Variants in UIMC1 observed in about 807,000 individuals in gnomAD.
UIMC1 encodes ubiquitin interaction motif containing 1.
Under a neutral mutation model 84.9 loss-of-function variants are expected in UIMC1, and 42 were observed. The observed-to-expected ratio is 0.49, with a 90% CI of 0.39 to 0.64. The LOEUF (loss-of-function observed/expected upper bound fraction) is 0.64, where lower values mean the gene tolerates loss of function less well. Among genes scored for constraint, UIMC1 ranks in the 30% least tolerant of loss-of-function variants. The pLI, the probability that UIMC1 is intolerant of heterozygous loss-of-function variation, is 0.00. For synonymous variants in UIMC1, 281 were observed against 293.0 expected, an observed-to-expected ratio of 0.96 and a Z score of 0.42; for missense variants, 825 against 847.6, an observed-to-expected ratio of 0.97 and a Z score of 0.33.
chr5:176,913,137 A>G (rs1230903323), intron 10 of UIMC1, among the ~76,000 whole-genome samples: 2 of 152,214 alleles, frequency 1.3e-5, no homozygotes. Context: ...AACATCTTGG[A>G]TTTACTCAGT....
At chr5:176,990,570 G>GC (rs1472226614) in intron 1 of UIMC1, among the ~76,000 whole-genome samples, 2 of 152,056 alleles carry the variant, frequency 1.3e-5, no homozygotes, top group African/African-American at 4.8e-5. Flanking sequence ...ATATTAATTC[G>GC]CAAGAAGTGA....
intron 1 of UIMC1, among the ~76,000 whole-genome samples, chr5:176,989,965 G>A (rs1772570773): frequency 6.6e-6 from 1 of 152,046 alleles, no homozygotes; most frequent in African/African-American, 2.4e-5. Flanking sequence ...CAGATCATGA[G>A]GTCAGGAGAT....
At chr5:177,017,669 C>A (rs1413168439) in intron 1 of UIMC1, among the ~76,000 whole-genome samples, 1 of 146,760 alleles carries the variant, frequency 6.8e-6, no homozygotes, top group Non-Finnish European at 1.5e-5. Flanking sequence ...ACCACGCTGG[C>A]CCTTTTTTTT....
chr5:177,016,655 C>A (rs879896272), intron 1 of UIMC1, among the ~76,000 whole-genome samples: 1 of 151,312 alleles, frequency 6.6e-6, no homozygotes, highest in Non-Finnish European at 1.5e-5. Context: ...TGCAGTGAGC[C>A]GAGATCTTAC....
intron 4 of UIMC1, 184 bp downstream of exon 4, chr5:176,970,558 C>T (rs151181084): frequency 0.012 from 10,717 of 899,150 alleles, 94 homozygotes; most frequent in South Asian, 0.025. Context: ...ATAGAATTAA[C>T]AAAATACTTT....
rs187849820 is a variant in UIMC1, at chr5:176,925,454, C to A, written c.1598-14065G>T. ...GTTTGGCAGTTTCTTTATAACCTAG[C>A]AATTCCATTCCTAGCTATTTATTCA... On this transcript the variant is annotated intron_variant, in intron 10 of 14. Transcript: ENST00000511320. 4.7e-4 allele frequency among the ~76,000 whole-genome samples: 71 copies of A among 152,224 alleles called. No homozygotes were observed. The East Asian group carries it at 0.012, about 25-fold the overall frequency.
At chr5:176,950,816 G>A (rs553719549) in intron 9 of UIMC1, among the ~76,000 whole-genome samples, 38 of 152,100 alleles carry the variant, frequency 2.5e-4, no homozygotes, top group Non-Finnish European at 5.1e-4. Context: ...GTTGCAGTGA[G>A]CCGAGATCGT....
At chr5:176,928,483 A>G (rs1247229501) in intron 10 of UIMC1, among the ~76,000 whole-genome samples, 2 of 152,240 alleles carry the variant, frequency 1.3e-5, no homozygotes, top group Non-Finnish European at 2.9e-5. Flanking sequence ...AATCTTTAAA[A>G]AGAACTTCTT....
intron 3 of UIMC1, among the ~76,000 whole-genome samples, chr5:176,972,501 C>G (rs1769398176): frequency 6.6e-6 from 1 of 152,002 alleles, no homozygotes; most frequent in African/African-American, 2.4e-5. Context: ...TTTGGGAGGC[C>G]AAGCCAGGCA....
Position 176,958,901 on chromosome 5 carries a change from C to G in UIMC1, c.1201-747G>C, listed in dbSNP as rs186895583. Among the ~76,000 whole-genome samples the G allele has an allele frequency of 1.4e-3, 218 of 152,346 alleles. 1 individual carries two copies. The highest frequency in any genetic ancestry group is 3.4e-3 in the Middle Eastern group (1 of 294). ...TCACAGAAAAAGCAGCTACTGCTGC[C>G]TTAGGCAGACTTCTGAGGAAGTGCC... On this transcript the variant is annotated intron_variant, in intron 6 of 14. Transcript: ENST00000511320.
At chr5:176,939,257 AAAAAAAAAAAAAAAAG>A (rs1764118350) in intron 10 of UIMC1, among the ~76,000 whole-genome samples, 1 of 95,006 alleles carries the variant, frequency 1.1e-5, no homozygotes, top group South Asian at 2.8e-4. Context: ...ATCCTGTCTC[AAAAAAAAAAAAAAAAG>A]AAAAAAAAAG....
intron 1 of UIMC1, among the ~76,000 whole-genome samples, chr5:176,991,815 C>CCATCTACT (rs1195665180): frequency 6.6e-6 from 1 of 151,828 alleles, no homozygotes; most frequent in African/African-American, 2.4e-5. Flanking sequence ...AACTGTAGTC[C>CCATCTACT]CATCTACTCG....
intron 6 of UIMC1, among the ~76,000 whole-genome samples, chr5:176,961,980 G>T (rs1406781420): frequency 1.4e-5 from 1 of 73,736 alleles, no homozygotes; most frequent in African/African-American, 6.2e-5. Context: ...CGCCCCGTCC[G>T]GGAGGGAGGT....
chr5:176,951,149 T>C (rs1765835291), intron 9 of UIMC1, among the ~76,000 whole-genome samples: 1 of 152,220 alleles, frequency 6.6e-6, no homozygotes, highest in South Asian at 2.1e-4. Context: ...CCCTGTAACT[T>C]TGGATTCAAA....
chr5:176,944,212 T>A (rs1402396862), intron 9 of UIMC1, among the ~76,000 whole-genome samples: 1 of 152,232 alleles, frequency 6.6e-6, no homozygotes, highest in African/African-American at 2.4e-5. Context: ...GTGTTTTATT[T>A]GTGACTTTCT....
chr5:176,974,330 T>C (rs552932371), intron 3 of UIMC1, among the ~76,000 whole-genome samples: 28 of 152,262 alleles, frequency 1.8e-4, no homozygotes, highest in Non-Finnish European at 1.5e-5. Context: ...ACAAGAATGA[T>C]TGGATATCCA....
chr5:176,993,167 C>A (rs1390357235), intron 1 of UIMC1, among the ~76,000 whole-genome samples: 5 of 133,972 alleles, frequency 3.7e-5, no homozygotes, highest in Admixed American at 1.6e-4. Context: ...GGCAACAGAG[C>A]AAGACTCCAT....
intron 10 of UIMC1, among the ~76,000 whole-genome samples, chr5:176,914,647 C>T (rs1020335480): frequency 3.3e-5 from 5 of 152,108 alleles, no homozygotes; most frequent in Non-Finnish European, 4.4e-5. Flanking sequence ...TTTGCCTCTG[C>T]GGAGGATGAC....
chr5:176,936,509 C>G, intron 10 of UIMC1, among the ~76,000 whole-genome samples: 1 of 152,288 alleles, frequency 6.6e-6, no homozygotes, highest in East Asian at 1.9e-4. Context: ...AAATATTATT[C>G]TTTGCTCAAG....
Sources: gnomAD v4.1 joint callset for allele counts (sites outside exome capture counted in the v4.1 genomes callset) on GRCh38, gnomAD v4.1.1 for gene constraint, MANE v1.5 for transcripts, NCBI Gene and HGNC (gene_info 2026-07-23, HGNC 2026-07-21) for gene names.